Variants in SPATC1L observed in about 807,000 individuals in gnomAD.
SPATC1L encodes the protein spermatogenesis and centriole associated 1 like, also known as speriolin-like protein.
SPATC1L carries 20 observed loss-of-function variants against 21.2 expected under a neutral mutation model. That is an observed-to-expected ratio of 0.94 (90% CI 0.66 to 1.37). SPATC1L has a LOEUF of 1.37. SPATC1L is among the 40% of genes most tolerant of loss of function. SPATC1L has a pLI of 0.00. For missense variants in SPATC1L, 499 were observed against 478.7 expected, an observed-to-expected ratio of 1.04 and a Z score of -0.40; for synonymous variants, 290 against 234.5, an observed-to-expected ratio of 1.24 and a Z score of -2.16.
At chr21:46,170,889 A>G (rs79146141) in intron 2 of SPATC1L, among the ~76,000 whole-genome samples, 227 of 78,794 alleles carry the variant, frequency 2.9e-3, no homozygotes, top group African/African-American at 8.0e-3. Context: ...TGCTCTGTGA[A>G]CATCCTCTGT....
chr21:46,167,135 C>A (rs556336795), intron 3 of SPATC1L, among the ~76,000 whole-genome samples: 11 of 151,920 alleles, frequency 7.2e-5, no homozygotes, highest in African/African-American at 2.2e-4. Context: ...GAAATTATAC[C>A]AACACATAGA....
rs114558842 is a variant in SPATC1L at position 46,182,787 on chromosome 21, C to A, written c.30G>T (p.Arg10=). The part of the protein sequence containing the change: MAEGGELMS[R]LLSENADLKK... ...TCAGGTCCGCGTTCTCGCTCAGGAG[C>A]CGGCTCATCAGCTCGCCGCCTTCAG... Residue 10 remains arginine, a synonymous_variant, in exon 2 of 5, where the codon CGG becomes CGT. Transcript: ENST00000291672. The A allele has an allele frequency of 6.5e-7, 1 of 1,545,022 alleles. No individual in the cohort carries two copies. The highest frequency in any genetic ancestry group is 1.2e-5 in the South Asian group (1 of 83,672).
At chr21:46,163,232 C>G (rs1230145646) in intron 3 of SPATC1L, among the ~76,000 whole-genome samples, 1 of 152,172 alleles carries the variant, frequency 6.6e-6, no homozygotes, top group Non-Finnish European at 1.5e-5. Flanking sequence ...GCATACTAGT[C>G]CCATTTCAAA....
At position 46,180,173 on chromosome 21, in the gene SPATC1L, C is replaced by T. The variant is rs531207135; in HGVS notation, c.193+2451G>A. 1.6e-4 allele frequency among the ~76,000 whole-genome samples: 25 copies of T among 152,362 alleles called. 1 individual carries two copies. The highest frequency in any genetic ancestry group is 5.8e-4 in the African/African-American group (24 of 41,580). ...GGGAACAGTGCTGCCTGCCTGGGGC[C>T]CCCACAGAAGGAGCCCAGTGTTCAA... On this transcript the variant is annotated intron_variant, in intron 2 of 4. Transcript: ENST00000291672.
intron 3 of SPATC1L, among the ~76,000 whole-genome samples, chr21:46,163,571 C>T (rs2079518406): frequency 6.6e-6 from 1 of 152,272 alleles, no homozygotes; most frequent in South Asian, 2.1e-4. Context: ...CATGTGGATA[C>T]CTCTTTGTTC....
rs145643284 is a variant in SPATC1L, at chr21:46,176,019, G to A, written c.193+6605C>T. On this transcript the variant is annotated intron_variant, in intron 2 of 4. Transcript: ENST00000291672. ...AGGTTCAACATAAATCAATAAATGCGATTCATTACATAAACAGGACTAAAG... is the reference window on the plus strand; with the variant it reads ...AGGTTCAACATAAATCAATAAATGCAATTCATTACATAAACAGGACTAAAG... Among the ~76,000 whole-genome samples, 487 of 127,370 alleles carry A rather than the reference G, an allele frequency of 3.8e-3. 31 individuals are homozygous for A. The South Asian group carries it at 0.12, about 30-fold the overall frequency. 83.6% of individuals were successfully genotyped at this position (127,370 alleles called of 152,430 possible).
In SPATC1L at chr21:46,183,539, G is replaced by C. The variant is rs1339460163; in HGVS notation, c.-723C>G. 1 of 135,600 alleles carries C rather than the reference G, an allele frequency of 7.4e-6. No homozygotes were observed. Among genetic ancestry groups the C allele is most frequent in the Non-Finnish European group, 1.6e-5 (1 of 60,898 alleles). 8.4% of individuals were successfully genotyped at this position (135,600 alleles called of 1,614,324 possible). On this transcript the variant is annotated 5_prime_UTR_variant, in exon 2 of 5. Coordinates refer to ENST00000291672, the MANE Select transcript of SPATC1L (RefSeq NM_001142854.2). ...GCGGGGGAGACCAGCCTGCGGGGGA[G>C]ACCAGCCTGGGCGGGGAGATCAGCC...
intron 2 of SPATC1L, among the ~76,000 whole-genome samples, chr21:46,174,658 T>C (rs557656851): frequency 1.3e-5 from 2 of 152,310 alleles, no homozygotes; most frequent in Non-Finnish European, 2.9e-5. Flanking sequence ...CCAAGATTTA[T>C]AAAGCAAGTT....
At chr21:46,164,001 T>G (rs28584585) in intron 3 of SPATC1L, among the ~76,000 whole-genome samples, 15,860 of 151,908 alleles carry the variant, frequency 0.1, 1,435 homozygotes, top group African/African-American at 0.24. Flanking sequence ...TTTATTTATT[T>G]ATTGTTTGTT....
Position 46,183,182 on chromosome 21 carries a change from C to A in SPATC1L, c.-366G>T. 1 of 274,260 alleles carries A rather than the reference C, an allele frequency of 3.6e-6. No individual in the cohort carries two copies. The highest frequency in any genetic ancestry group is 6.9e-6 in the Non-Finnish European group (1 of 145,330). 17.0% of individuals were successfully genotyped at this position (274,260 alleles called of 1,614,324 possible). A position where few individuals can be genotyped will look rare whatever the true frequency, so the allele number is the denominator to read the frequency against. On this transcript the variant is annotated 5_prime_UTR_variant, in exon 2 of 5. Transcript: ENST00000291672. ...GAGCGGCCCAGCCAGGGTCGGGTGT[C>A]CACCCTGTGTGGTGTCCTCAAGCTG...
chr21:46,181,944 A>G (rs1301028478), intron 2 of SPATC1L, among the ~76,000 whole-genome samples: 1 of 152,238 alleles, frequency 6.6e-6, no homozygotes, highest in Admixed American at 6.5e-5. Flanking sequence ...CTTTTAGAAT[A>G]AAGCCTACTA....
intron 2 of SPATC1L, among the ~76,000 whole-genome samples, chr21:46,180,368 C>T (rs2079663341): frequency 6.6e-6 from 1 of 152,212 alleles, no homozygotes; most frequent in South Asian, 2.1e-4. Context: ...CCCAAGAGAA[C>T]GTTGATTGTG....
At chr21:46,168,248 T>A (rs1434846318) in intron 3 of SPATC1L, 60 bp downstream of exon 3, 2 of 1,238,166 alleles carry the variant, frequency 1.6e-6, no homozygotes, top group African/African-American at 3.0e-5. Flanking sequence ...AGTCATGCCC[T>A]CCCCACAGCT....
chr21:46,172,611 G>A (rs1240391590), intron 2 of SPATC1L, among the ~76,000 whole-genome samples: 10 of 152,220 alleles, frequency 6.6e-5, no homozygotes, highest in African/African-American at 2.4e-4. Flanking sequence ...TTCCCTGGAG[G>A]AGGCCCCATG....
chr21:46,182,061 AG>A (rs1400030751), intron 2 of SPATC1L, among the ~76,000 whole-genome samples: 1 of 152,206 alleles, frequency 6.6e-6, no homozygotes, highest in Non-Finnish European at 1.5e-5. Context: ...CCACACTCCC[AG>A]CCCCGCAGGG....
Position 46,183,094 on chromosome 21 carries a change from C to T in SPATC1L, c.-278G>A. On this transcript the variant is annotated 5_prime_UTR_variant, in exon 2 of 5. It removes an upstream start codon present in the reference 5' UTR. Coordinates refer to ENST00000291672, the MANE Select transcript of SPATC1L (RefSeq NM_001142854.2). ...GACCAGGGCCCGAGAATGCCAAGGA[C>T]ATTAGGCAGCTACGGGATGTAGCGA... 2.2e-6 allele frequency: 1 copy of T among 457,622 alleles called. No homozygotes were observed. The allele number at this position is 457,622 out of a possible 1,614,324, so 28.3% of individuals were successfully genotyped here.
At chr21:46,164,924 C>T (rs2079529990) in intron 3 of SPATC1L, among the ~76,000 whole-genome samples, 1 of 152,002 alleles carries the variant, frequency 6.6e-6, no homozygotes, top group Non-Finnish European at 1.5e-5. Context: ...CTAGTCCAAC[C>T]TGGGCTCTGT....
At chr21:46,182,017 G>A (rs554030668) in intron 2 of SPATC1L, among the ~76,000 whole-genome samples, 35 of 152,286 alleles carry the variant, frequency 2.3e-4, no homozygotes, top group Non-Finnish European at 4.3e-4. Context: ...ACAGAAGGTC[G>A]GAGTCAATGC....
rs374432155 is a variant in SPATC1L, at chr21:46,161,870, C to G, written c.696+46G>C. The G allele has an allele frequency of 3.1e-6, 5 of 1,587,532 alleles. No homozygotes were observed. The Admixed American group carries it at 5.1e-5, about 16-fold the overall frequency. ...ATCTGGGGGCCGCACAGGGACGGAC[C>G]GAGCGCCCCGCACCCTCCTGGCCGC... On this transcript the variant is annotated intron_variant, in intron 4 of 4. Transcript: ENST00000291672.
Sources: gnomAD v4.1 joint callset for allele counts (sites outside exome capture counted in the v4.1 genomes callset) on GRCh38, gnomAD v4.1.1 for gene constraint, MANE v1.5 for transcripts, NCBI Gene and HGNC (gene_info 2026-07-23, HGNC 2026-07-21) for gene names.